PRKX: variants seen among roughly 807,000 people sequenced by gnomAD.
The protein encoded by PRKX is protein kinase cAMP-dependent X-linked catalytic subunit, also known as cAMP-dependent protein kinase catalytic subunit PRKX.
In PRKX, 12 loss-of-function variants were observed where a neutral mutation model predicts 22.0. That is an observed-to-expected ratio of 0.54 (90% CI 0.35 to 0.88). The LOEUF is 0.88. Among genes scored for constraint, PRKX ranks in the 40% least tolerant of loss-of-function variants. PRKX has a pLI of 0.01. For missense variants in PRKX, 217 were observed against 308.0 expected, an observed-to-expected ratio of 0.70 and a Z score of 2.21; for synonymous variants, 134 against 137.7, an observed-to-expected ratio of 0.97 and a Z score of 0.19.
intron 7 of PRKX, among the ~76,000 whole-genome samples, chrX:3,614,235 T>C (rs1477572873): frequency 1.8e-5 from 2 of 112,424 alleles, no homozygotes; most frequent in East Asian, 5.6e-4. Flanking sequence ...CAGCGGCTCA[T>C]GCCTGTAATC....
chrX:3,641,982 G>A lies in PRKX; in HGVS notation c.600-11C>T, dbSNP rs375953656. The A allele has an allele frequency of 4.6e-4, 369 of 807,004 alleles. 1 individual carries two copies. Among genetic ancestry groups the A allele is most frequent in the Non-Finnish European group, 5.3e-4 (301 of 572,305 alleles). The allele number at this position is 807,004 out of a possible 1,213,427, so 66.5% of individuals were successfully genotyped here. A position where few individuals can be genotyped will look rare whatever the true frequency, so the allele number is the denominator to read the frequency against. On this transcript the variant is annotated splice_polypyrimidine_tract_variant and intron_variant, in intron 3 of 8. Coordinates refer to ENST00000262848, the MANE Select transcript of PRKX (RefSeq NM_005044.5). ...CAGAGGGTCCAAGTCCTATATGGGC[G>A]ACAGAGACAGGCCCCCACAACACTC...
At chrX:3,647,516 CACATT>C (rs1480692505) in intron 3 of PRKX, among the ~76,000 whole-genome samples, 1 of 103,588 alleles carries the variant, frequency 9.7e-6, no homozygotes, top group Non-Finnish European at 1.9e-5. Flanking sequence ...TAGTAATTAA[CACATT>C]ACATTAATAT....
intron 4 of PRKX, among the ~76,000 whole-genome samples, chrX:3,639,589 T>C (rs1417681238): frequency 8.8e-5 from 9 of 101,985 alleles, no homozygotes; most frequent in Non-Finnish European, 1.8e-4. Flanking sequence ...GGTGGATGGA[T>C]GGAAAAGTAT....
intron 2 of PRKX, among the ~76,000 whole-genome samples, chrX:3,657,790 G>A (rs1279032669): frequency 8.9e-6 from 1 of 111,752 alleles, no homozygotes; most frequent in Non-Finnish European, 1.9e-5. Flanking sequence ...GGAAGAAAAC[G>A]CAGCAATGAG....
chrX:3,674,517 G>T, intron 2 of PRKX, 81 bp downstream of exon 2: 2 of 1,066,066 alleles, frequency 1.9e-6, no homozygotes, highest in Non-Finnish European at 2.6e-6. Flanking sequence ...CCATGGTCTC[G>T]GCCCACCCAG....
chrX:3,642,316 A>T (rs1175200046), intron 3 of PRKX, among the ~76,000 whole-genome samples: 2 of 110,932 alleles, frequency 1.8e-5, no homozygotes, highest in East Asian at 5.6e-4. Context: ...AATTAATTAA[A>T]GGAAAAAGAA....
At chrX:3,663,981 G>T (rs989635137) in intron 2 of PRKX, among the ~76,000 whole-genome samples, 15 of 111,945 alleles carry the variant, frequency 1.3e-4, no homozygotes, top group African/African-American at 4.5e-4. Flanking sequence ...TGAGAGGGCA[G>T]AGGGGCTCCT....
intron 4 of PRKX, among the ~76,000 whole-genome samples, chrX:3,639,460 G>A (rs1221192168): frequency 2.1e-5 from 1 of 48,627 alleles, no homozygotes; most frequent in Non-Finnish European, 4.2e-5. Context: ...GGGGTGGGGG[G>A]GTGGATGGAT....
At chrX:3,623,151 CGT>C (rs60593114) in intron 5 of PRKX, among the ~76,000 whole-genome samples, 2,096 of 95,614 alleles carry the variant, frequency 0.022, 30 homozygotes, top group African/African-American at 0.048. Context: ...TAAATTTCAA[CGT>C]GTGTGTGTGT....
intron 3 of PRKX, among the ~76,000 whole-genome samples, chrX:3,648,657 T>TGTGTGTGTGA (rs1423032631): frequency 2.4e-4 from 24 of 101,719 alleles, no homozygotes; most frequent in Admixed American, 1.1e-3. Context: ...TGTGTGTGTG[T>TGTGTGTGTGA]GAAAGGGGTA....
chrX:3,672,331 G>A (rs187997334), intron 2 of PRKX, among the ~76,000 whole-genome samples: 3 of 111,875 alleles, frequency 2.7e-5, no homozygotes, highest in African/African-American at 9.8e-5. Flanking sequence ...TTCCTTAATT[G>A]AAAGCAGGGA....
chrX:3,642,790 G>A, intron 3 of PRKX, among the ~76,000 whole-genome samples: 1 of 109,034 alleles, frequency 9.2e-6, no homozygotes, highest in Non-Finnish European at 1.9e-5. Flanking sequence ...CTTGAGGCCA[G>A]GAGTTCAAGA....
At chrX:3,626,362 G>A (rs1472400480) in intron 5 of PRKX, 57 bp downstream of exon 5, 6 of 978,834 alleles carry the variant, frequency 6.1e-6, no homozygotes, top group Admixed American at 2.4e-5. Flanking sequence ...CTTTCACGGT[G>A]ATTTTAGACA....
chrX:3,635,356 T>C (rs57086720), intron 4 of PRKX, among the ~76,000 whole-genome samples: 6,567 of 111,201 alleles, frequency 0.059, 244 homozygotes, highest in South Asian at 0.19. Flanking sequence ...TGCTGTATTG[T>C]CTTAGTTGAC....
At chrX:3,640,704 A>C (rs1180944067) in intron 4 of PRKX, among the ~76,000 whole-genome samples, 2 of 111,388 alleles carry the variant, frequency 1.8e-5, no homozygotes, top group Non-Finnish European at 3.8e-5. Context: ...GCTGAGACCT[A>C]CTGGGCTGCA....
At chrX:3,699,552 C>A (rs750585364) in intron 1 of PRKX, among the ~76,000 whole-genome samples, 2 of 110,930 alleles carry the variant, frequency 1.8e-5, no homozygotes, top group African/African-American at 6.6e-5. Context: ...CGGGGTTTCA[C>A]CATTATGGCC....
rs749729420 is a variant in PRKX at position 3,606,982 on chromosome X, CAATT to C, written c.*1983_*1986del. Reference sequence around the variant, plus strand: ...TTTCATTTTCCTGCATATCAGTTCACAATTAAGGCATTTCAGGCTTTCCTGATGC... The same window carrying C: ...TTTCATTTTCCTGCATATCAGTTCACAAGGCATTTCAGGCTTTCCTGATGC... On this transcript the variant is annotated 3_prime_UTR_variant, in exon 9 of 9. Coordinates refer to ENST00000262848, the MANE Select transcript of PRKX (RefSeq NM_005044.5). 3 of 112,082 alleles carry C rather than the reference CAATT, an allele frequency of 2.7e-5. No individual in the cohort carries two copies. In the South Asian group the frequency reaches 1.1e-3, roughly 42 times the overall value. The allele number at this position is 112,082 out of a possible 1,213,427, so 9.2% of individuals were successfully genotyped here. A position where few individuals can be genotyped will look rare whatever the true frequency, so the allele number is the denominator to read the frequency against.
At chrX:3,651,069 G>A (rs1032539774) in intron 3 of PRKX, among the ~76,000 whole-genome samples, 10 of 106,955 alleles carry the variant, frequency 9.3e-5, no homozygotes, top group African/African-American at 2.7e-4. Flanking sequence ...CCCTGGGGCC[G>A]GGCCAGCAGA....
At chrX:3,631,974 A>G (rs146042335) in intron 4 of PRKX, among the ~76,000 whole-genome samples, 4,273 of 112,149 alleles carry the variant, frequency 0.038, 219 homozygotes, top group African/African-American at 0.13. Context: ...ACACACATGA[A>G]CTGTCCAATA....
Sources: allele counts gnomAD v4.1 joint callset (sites outside exome capture counted in the v4.1 genomes callset), GRCh38; gene constraint gnomAD v4.1.1; transcripts MANE v1.5; gene names NCBI Gene and HGNC (gene_info 2026-07-23, HGNC 2026-07-21).